Variants in BICD1 observed in about 807,000 individuals in gnomAD.
The protein encoded by BICD1 is BICD cargo adaptor 1.
A neutral mutation model predicts 92.5 loss-of-function variants in BICD1; 35 were observed. The ratio of observed to expected loss-of-function variants is 0.38; its 90% CI spans 0.29 to 0.50. The LOEUF is 0.50. Among genes scored for constraint, BICD1 ranks in the 20% least tolerant of loss-of-function variants. The pLI is 0.93. For missense variants in BICD1, 950 were observed against 1,189.8 expected (o/e 0.80, Z 2.97); for synonymous variants, 429 against 465.1 (o/e 0.92, Z 1.00).
chr12:32,375,676 C>G (rs2136345260), intron 9 of BICD1, among the ~76,000 whole-genome samples: 1 of 152,264 alleles, frequency 6.6e-6, no homozygotes, highest in African/African-American at 2.4e-5. Context: ...AACAGCAAAG[C>G]TTCTTTTAAA....
At chr12:32,227,879 T>G (rs1354563968) in intron 2 of BICD1, 1 of 154,964 alleles carries the variant, frequency 6.5e-6, no homozygotes, top group African/African-American at 2.4e-5. Flanking sequence ...CCCTTCACTG[T>G]TCTTTTGAAG....
In BICD1 at chr12:32,305,747, G is replaced by A. The variant is rs768399198; in HGVS notation, c.630G>A (p.Thr210=). The part of the protein sequence containing the change: ...KHEIKRFEEE[T]VLLNSQLEDA... ...AGATTAAGCGATTTGAGGAGGAGACGGTACTGCTGAACAGCCAGCTGGAAG... is the reference window on the plus strand; with the variant it reads ...AGATTAAGCGATTTGAGGAGGAGACAGTACTGCTGAACAGCCAGCTGGAAG... Residue 210 remains threonine (T), a synonymous_variant, in exon 4 of 10, where the codon ACG becomes ACA. Transcript: ENST00000652176. 25 of 1,613,964 alleles carry A rather than the reference G, an allele frequency of 1.5e-5. 1 individual carries two copies. The highest frequency in any genetic ancestry group is 3.3e-5 in the Admixed American group (2 of 59,980).
chr12:32,134,507 G>A (rs75438942), intron 1 of BICD1, among the ~76,000 whole-genome samples: 7,576 of 152,244 alleles, frequency 0.05, 264 homozygotes, highest in Non-Finnish European at 0.077. Context: ...CTTCTCTAAT[G>A]TCTAAGAGCA....
chr12:32,282,194 G>A (rs1327965889), intron 2 of BICD1, among the ~76,000 whole-genome samples: 3 of 89,254 alleles, frequency 3.4e-5, no homozygotes, highest in Non-Finnish European at 7.4e-5. Context: ...CCAGCTTCAG[G>A]TCTTCTTCTT....
At chr12:32,159,452 C>T (rs1943536995) in intron 1 of BICD1, among the ~76,000 whole-genome samples, 3 of 152,144 alleles carry the variant, frequency 2.0e-5, no homozygotes, top group African/African-American at 7.2e-5. Flanking sequence ...CAATAACACA[C>T]TGCACATCCC....
At chr12:32,375,011 C>T (rs577361590) in intron 9 of BICD1, among the ~76,000 whole-genome samples, 5 of 146,720 alleles carry the variant, frequency 3.4e-5, no homozygotes, top group Non-Finnish European at 6.0e-5. Flanking sequence ...CTCCGCCTCC[C>T]GGGTTCACGC....
At chr12:32,217,687 A>G (rs1249428664) in intron 2 of BICD1, among the ~76,000 whole-genome samples, 1 of 152,186 alleles carries the variant, frequency 6.6e-6, no homozygotes, top group African/African-American at 2.4e-5. Flanking sequence ...ATTTCCCTCC[A>G]ACGTGAACAA....
intron 2 of BICD1, among the ~76,000 whole-genome samples, chr12:32,230,484 C>A (rs1458311656): frequency 2.6e-5 from 4 of 151,904 alleles, no homozygotes; most frequent in African/African-American, 9.7e-5. Flanking sequence ...GAATTGAGAT[C>A]ATCTGTGTGG....
At chr12:32,112,534 GTAAT>G (rs1315758995) in intron 1 of BICD1, among the ~76,000 whole-genome samples, 1 of 152,116 alleles carries the variant, frequency 6.6e-6, no homozygotes, top group Non-Finnish European at 1.5e-5. Context: ...TGAAAATACG[GTAAT>G]TAATTACTTG....
chr12:32,203,252 G>GT lies in BICD1; in HGVS notation c.214-12994dup, dbSNP rs569057699. 1.2e-4 allele frequency among the ~76,000 whole-genome samples: 19 copies of GT among 152,314 alleles called. No individual in the cohort carries two copies. The East Asian group carries it at 2.9e-3, about 23-fold the overall frequency. On this transcript the variant is annotated intron_variant, in intron 1 of 9. Transcript: ENST00000652176. ...CAAAACTTTGAAACTTTTGGAAATA[G>GT]TATAGGAGAATAGCTTTATGACCTT...
At chr12:32,327,123 G>A (rs1433237166) in intron 4 of BICD1, among the ~76,000 whole-genome samples, 1 of 152,088 alleles carries the variant, frequency 6.6e-6, no homozygotes, top group Non-Finnish European at 1.5e-5. Context: ...AATAACACCA[G>A]TCCTATGCTT....
At chr12:32,120,483 A>G (rs1161100707) in intron 1 of BICD1, among the ~76,000 whole-genome samples, 1 of 152,176 alleles carries the variant, frequency 6.6e-6, no homozygotes, top group African/African-American at 2.4e-5. Context: ...TCTCTTGCAT[A>G]CTGCAGAGTA....
chr12:32,330,721 G>A (rs1167393422), intron 5 of BICD1, among the ~76,000 whole-genome samples: 1 of 152,138 alleles, frequency 6.6e-6, no homozygotes, highest in East Asian at 1.9e-4. Flanking sequence ...CAATGATTCA[G>A]AGTGGTCATA....
intron 2 of BICD1, among the ~76,000 whole-genome samples, chr12:32,263,921 TA>T (rs1051665440): frequency 2.0e-5 from 3 of 152,296 alleles, no homozygotes; most frequent in South Asian, 2.1e-4. Flanking sequence ...AGTAGTTCAT[TA>T]AAAAATTCTT....
At chr12:32,240,379 A>G (rs143908776) in intron 2 of BICD1, among the ~76,000 whole-genome samples, 3 of 152,236 alleles carry the variant, frequency 2.0e-5, no homozygotes, top group Non-Finnish European at 4.4e-5. Flanking sequence ...GGAAGCGTAC[A>G]TTTCCTCTTC....
At chr12:32,198,366 G>A (rs1176281713) in intron 1 of BICD1, among the ~76,000 whole-genome samples, 1 of 70,340 alleles carries the variant, frequency 1.4e-5, no homozygotes, top group Admixed American at 1.9e-4. Flanking sequence ...CAAAAATATT[G>A]GCAAAAATAA....
intron 5 of BICD1, chr12:32,333,270 T>C: frequency 1.0e-6 from 1 of 984,430 alleles, no homozygotes; most frequent in Non-Finnish European, 1.2e-6. Context: ...ATTTTCTGAA[T>C]CTGTAATATT....
chr12:32,129,648 ACATGAGC>A (rs535299728), intron 1 of BICD1, among the ~76,000 whole-genome samples: 1 of 152,080 alleles, frequency 6.6e-6, no homozygotes, highest in East Asian at 1.9e-4. Flanking sequence ...GGGATTATAG[ACATGAGC>A]CACCGCACCT....
chr12:32,323,928 T>G (rs1030416606), intron 4 of BICD1, among the ~76,000 whole-genome samples: 1 of 152,186 alleles, frequency 6.6e-6, no homozygotes, highest in African/African-American at 2.4e-5. Flanking sequence ...GAAATGAAAA[T>G]ATAGTAAAAC....
Sources: gnomAD v4.1 joint callset for allele counts (sites outside exome capture counted in the v4.1 genomes callset) on GRCh38, gnomAD v4.1.1 for gene constraint, MANE v1.5 for transcripts, NCBI Gene and HGNC (gene_info 2026-07-23, HGNC 2026-07-21) for gene names.